Variants in OVCH1 observed in about 807,000 individuals in gnomAD.
OVCH1 encodes ovochymase-1.
Under a neutral mutation model 138.4 loss-of-function variants are expected in OVCH1, and 139 were observed. The observed-to-expected ratio is 1.00, with a 90% CI of 0.87 to 1.16. The LOEUF (loss-of-function observed/expected upper bound fraction) is 1.16. Ranked by LOEUF, OVCH1 falls within the 50% of genes most tolerant of loss-of-function variation. OVCH1 has a pLI of 0.00. For synonymous variants in OVCH1, 453 were observed against 467.8 expected (o/e 0.97, Z 0.41); for missense variants, 1,367 against 1,357.9 (o/e 1.01, Z -0.11).
Position 29,451,574 on chromosome 12 carries a change from A to T in OVCH1, c.2531-5T>A. ...GCTCTGCTTCAGAGCAACAACCTGC[A>T]ATTCAGAACACACAGACACCAGGGA... On this transcript the variant is annotated splice_polypyrimidine_tract_variant and splice_region_variant and intron_variant, in intron 21 of 27. Coordinates refer to ENST00000318184, the Ensembl canonical transcript of OVCH1. 6.2e-7 allele frequency: 1 copy of T among 1,603,066 alleles called. No individual in the cohort carries two copies. Among genetic ancestry groups the T allele is most frequent in the Non-Finnish European group, 8.5e-7 (1 of 1,173,418 alleles).
intron 19 of OVCH1, among the ~76,000 whole-genome samples, chr12:29,458,174 A>G (rs1456547857): frequency 6.6e-6 from 1 of 152,188 alleles, no homozygotes; most frequent in East Asian, 1.9e-4. Flanking sequence ...AAAGACTCAG[A>G]ACAGCCAAGC....
At chr12:29,496,563 G>A (rs769861081) in exon 2 of OVCH1, 1 of 1,600,170 alleles carries the variant, frequency 6.2e-7, no homozygotes, top group Non-Finnish European at 8.6e-7. Flanking sequence ...GACCTGCCAT[G>A]GATGTCCAGT....
chr12:29,478,999 T>A, intron 8 of OVCH1, 31 bp from the exon 10 acceptor site: 1 of 819,292 alleles, frequency 1.2e-6, no homozygotes, highest in Non-Finnish European at 1.8e-6. Context: ...GAAAATGTAA[T>A]AAATGGAAGA....
chr12:29,455,638 C>G (rs1409608865), intron 19 of OVCH1, among the ~76,000 whole-genome samples: 1 of 152,078 alleles, frequency 6.6e-6, no homozygotes, highest in Non-Finnish European at 1.5e-5. Flanking sequence ...AAGCTTAGTT[C>G]ACATAAAAAG....
At chr12:29,433,856 C>A in intron 26 of OVCH1, 1 of 1,333,694 alleles carries the variant, frequency 7.5e-7, no homozygotes, top group South Asian at 1.5e-5. Flanking sequence ...GCCTCCCAAA[C>A]TGTATTTCAA....
chr12:29,468,133 A>G (rs1444170836), intron 16 of OVCH1, among the ~76,000 whole-genome samples: 2 of 152,208 alleles, frequency 1.3e-5, no homozygotes, highest in Non-Finnish European at 2.9e-5. Flanking sequence ...ACTATAAAAT[A>G]TATGCATGTA....
At chr12:29,418,076 C>T (rs545300370) in intron 3 of OVCH1, among the ~76,000 whole-genome samples, 19 of 152,210 alleles carry the variant, frequency 1.2e-4, no homozygotes, top group Non-Finnish European at 1.8e-4. Context: ...TTACAGTTCC[C>T]GCAGTATGTT....
chr12:29,413,820 A>G (rs958759753), intron 3 of OVCH1, among the ~76,000 whole-genome samples: 4 of 152,190 alleles, frequency 2.6e-5, no homozygotes, highest in African/African-American at 9.7e-5. Flanking sequence ...TCTTAAAAAA[A>G]TTGTATAAAC....
At chr12:29,420,092 T>C (rs1481023502) in intron 3 of OVCH1, among the ~76,000 whole-genome samples, 1 of 152,194 alleles carries the variant, frequency 6.6e-6, no homozygotes, top group Non-Finnish European at 1.5e-5. Flanking sequence ...TTCTCAACCA[T>C]CTCACTACTT....
chr12:29,491,010 A>C, intron 5 of OVCH1, 87 bp downstream of exon 5: 219 of 1,026,140 alleles, frequency 2.1e-4, no homozygotes, highest in Non-Finnish European at 3.0e-4. Flanking sequence ...TGATAAATGT[A>C]CTACTCATGG....
the OVCH1 span, among the ~76,000 whole-genome samples, chr12:29,403,384 A>G: frequency 6.6e-6 from 1 of 152,184 alleles, no homozygotes; most frequent in African/African-American, 2.4e-5. Context: ...TTGATAATCA[A>G]TGTGTTTACC....
chr12:29,432,341 T>C (rs1941284515), intron 27 of OVCH1, among the ~76,000 whole-genome samples: 1 of 152,230 alleles, frequency 6.6e-6, no homozygotes, highest in Non-Finnish European at 1.5e-5. Flanking sequence ...TGTTCAGAAG[T>C]AGTAGCATTC....
At chr12:29,407,188 T>C in the OVCH1 span, among the ~76,000 whole-genome samples, 4 of 147,734 alleles carry the variant, frequency 2.7e-5, no homozygotes, top group African/African-American at 9.8e-5. Flanking sequence ...TTGAGTTCAT[T>C]GTAGATTCTG....
chr12:29,483,904 A>C (rs536439810), intron 8 of OVCH1, among the ~76,000 whole-genome samples: 2 of 152,272 alleles, frequency 1.3e-5, no homozygotes, highest in Non-Finnish European at 2.9e-5. Flanking sequence ...ATACCTTAAA[A>C]ACCACACCAA....
chr12:29,427,194 A>G (rs10843417), downstream of OVCH1, among the ~76,000 whole-genome samples: 39,951 of 152,050 alleles, frequency 0.26, 5,649 homozygotes, highest in Admixed American at 0.42. Flanking sequence ...CTGACCTCTG[A>G]CAGTTCCCTA....
chr12:29,486,287 A>G (rs1943103098), exon 8 of OVCH1: 2 of 1,613,838 alleles, frequency 1.2e-6, no homozygotes, highest in African/African-American at 1.3e-5. Context: ...CTTGGACAGA[A>G]CTCAGGGCCT....
chr12:29,437,307 A>G (rs1360930317), intron 26 of OVCH1, among the ~76,000 whole-genome samples: 2 of 152,198 alleles, frequency 1.3e-5, no homozygotes, highest in African/African-American at 4.8e-5. Flanking sequence ...TATGTCATGG[A>G]CAACAGTGAT....
chr12:29,481,337 T>G (rs756442696), intron 8 of OVCH1, among the ~76,000 whole-genome samples: 14 of 152,136 alleles, frequency 9.2e-5, no homozygotes, highest in Non-Finnish European at 1.9e-4. Flanking sequence ...ACAATGAATT[T>G]TTTTGTCTTG....
At chr12:29,481,336 T>A (rs1942926290) in intron 8 of OVCH1, among the ~76,000 whole-genome samples, 1 of 152,112 alleles carries the variant, frequency 6.6e-6, no homozygotes. Context: ...TACAATGAAT[T>A]TTTTTGTCTT....
Sources: allele counts gnomAD v4.1 joint callset (sites outside exome capture counted in the v4.1 genomes callset), GRCh38; gene constraint gnomAD v4.1.1; transcripts MANE v1.5; gene names NCBI Gene and HGNC (gene_info 2026-07-23, HGNC 2026-07-21).